Variants in LRRC4C observed in about 807,000 individuals in gnomAD.
LRRC4C encodes the protein leucine rich repeat containing 4C.
A neutral mutation model predicts 33.6 loss-of-function variants in LRRC4C; 5 were observed. The observed-to-expected ratio is 0.15, with a 90% CI of 0.08 to 0.31. The LOEUF is 0.31. Ranked by LOEUF, LRRC4C falls within the 10% of genes least tolerant of loss-of-function variation. LRRC4C has a pLI of 1.00. For missense variants in LRRC4C, 560 were observed against 796.7 expected (o/e 0.70, Z 3.58); for synonymous variants, 329 against 302.0 (o/e 1.09, Z -0.93).
intron 2 of LRRC4C, among the ~76,000 whole-genome samples, chr11:40,698,549 C>T (rs964935285): frequency 2.0e-5 from 3 of 150,628 alleles, no homozygotes; most frequent in African/African-American, 2.4e-5. Context: ...AATGGAAAAA[C>T]GGAGAAGAGA....
At chr11:41,052,485 A>T (rs906235517) in intron 1 of LRRC4C, among the ~76,000 whole-genome samples, 1 of 151,724 alleles carries the variant, frequency 6.6e-6, no homozygotes, top group Non-Finnish European at 1.5e-5. Context: ...GTTCCCGTCC[A>T]TCTGCTTCCT....
At chr11:40,906,817 C>T (rs1485593250) in intron 2 of LRRC4C, among the ~76,000 whole-genome samples, 1 of 151,840 alleles carries the variant, frequency 6.6e-6, no homozygotes, top group Non-Finnish European at 1.5e-5. Flanking sequence ...GTGTTCTATA[C>T]ATATACATTA....
At chr11:40,604,036 T>C (rs1357412298) in intron 3 of LRRC4C, among the ~76,000 whole-genome samples, 1 of 152,168 alleles carries the variant, frequency 6.6e-6, no homozygotes, top group Non-Finnish European at 1.5e-5. Context: ...CACGTATATT[T>C]GTATGTTACA....
chr11:40,912,446 A>C lies in LRRC4C; in HGVS notation c.-407+21189T>G, dbSNP rs1435974568. On this transcript the variant is annotated intron_variant, in intron 2 of 6. Coordinates refer to ENST00000528697, the MANE Select transcript of LRRC4C (RefSeq NM_001258419.2). ...CCAGAATTTCATATCCAGCCAAACT[A>C]AGCTTCATAACTGAAGGAGAAATAA... Among the ~76,000 whole-genome samples, 13 of 152,178 alleles carry C rather than the reference A, an allele frequency of 8.5e-5. No individual in the cohort carries two copies. In the East Asian group the frequency reaches 2.5e-3, roughly 29 times the overall value.
At chr11:41,328,369 T>G (rs1025677296) in intron 1 of LRRC4C, among the ~76,000 whole-genome samples, 3 of 152,064 alleles carry the variant, frequency 2.0e-5, no homozygotes, top group African/African-American at 7.2e-5. Context: ...GAATCTTTGT[T>G]TTGAGTTTTA....
chr11:41,243,477 G>T (rs1044626824), intron 1 of LRRC4C, among the ~76,000 whole-genome samples: 1 of 152,162 alleles, frequency 6.6e-6, no homozygotes, highest in Admixed American at 6.5e-5. Flanking sequence ...TCAATGTTAA[G>T]AAGACAAATT....
At chr11:40,847,899 T>C (rs1373681936) in intron 2 of LRRC4C, among the ~76,000 whole-genome samples, 4 of 151,228 alleles carry the variant, frequency 2.6e-5, no homozygotes, top group African/African-American at 9.7e-5. Context: ...AGGGTGTATG[T>C]GTCCAGGAAT....
chr11:40,447,285 C>A (rs1951680964), intron 3 of LRRC4C: 1 of 152,594 alleles, frequency 6.6e-6, no homozygotes, highest in African/African-American at 2.4e-5. Context: ...GACATCATTT[C>A]TTCTTGCTTT....
intron 1 of LRRC4C, among the ~76,000 whole-genome samples, chr11:41,450,969 G>A (rs1956001207): frequency 6.6e-6 from 1 of 152,010 alleles, no homozygotes; most frequent in Non-Finnish European, 1.5e-5. Flanking sequence ...TTTACGTGCT[G>A]ACTTTATTAT....
intron 5 of LRRC4C, among the ~76,000 whole-genome samples, chr11:40,185,793 G>GGGA (rs1468238710): frequency 6.6e-6 from 1 of 152,054 alleles, no homozygotes; most frequent in East Asian, 1.9e-4. Context: ...GCATGAGGAT[G>GGGA]GGAGGAGGAA....
At chr11:40,216,631 C>A (rs747566404) in intron 5 of LRRC4C, among the ~76,000 whole-genome samples, 8 of 151,992 alleles carry the variant, frequency 5.3e-5, no homozygotes, top group Non-Finnish European at 8.8e-5. Context: ...CACAGAACCG[C>A]AAGAAAAAGA....
intron 6 of LRRC4C, among the ~76,000 whole-genome samples, chr11:40,137,929 A>G (rs1442423937): frequency 2.0e-5 from 3 of 152,202 alleles, no homozygotes; most frequent in Non-Finnish European, 4.4e-5. Flanking sequence ...TGAGGGGAGG[A>G]AAGGAGACCA....
intron 1 of LRRC4C, among the ~76,000 whole-genome samples, chr11:41,304,139 A>C (rs373875504): frequency 6.4e-5 from 2 of 31,148 alleles, no homozygotes; most frequent in African/African-American, 1.4e-4. Flanking sequence ...GGAGCCCCTC[A>C]GCCCGGCCAG....
chr11:41,405,686 G>A (rs559525955), intron 1 of LRRC4C, among the ~76,000 whole-genome samples: 130 of 152,130 alleles, frequency 8.5e-4, no homozygotes, highest in Non-Finnish European at 1.6e-3. Context: ...TCATCATCAA[G>A]GACAGGAACA....
At chr11:40,723,660 A>G (rs1038666363) in intron 2 of LRRC4C, among the ~76,000 whole-genome samples, 1 of 152,164 alleles carries the variant, frequency 6.6e-6, no homozygotes. Context: ...AAAAACATAC[A>G]TAAGTACATT....
intron 1 of LRRC4C, among the ~76,000 whole-genome samples, chr11:41,340,032 G>T (rs1017607403): frequency 2.0e-5 from 3 of 152,116 alleles, no homozygotes; most frequent in Non-Finnish European, 2.9e-5. Context: ...GTTAATAAAA[G>T]AAAAAGTTTA....
intron 5 of LRRC4C, among the ~76,000 whole-genome samples, chr11:40,170,972 C>T (rs985376290): frequency 1.3e-4 from 20 of 152,154 alleles, no homozygotes; most frequent in Admixed American, 6.5e-4. Context: ...TAATATGTAG[C>T]GAGGAAGTAG....
chr11:40,738,119 G>A (rs1947977224), intron 2 of LRRC4C, among the ~76,000 whole-genome samples: 1 of 152,300 alleles, frequency 6.6e-6, no homozygotes, highest in Non-Finnish European at 1.5e-5. Flanking sequence ...AAGCAATGGG[G>A]AAAGGATTCC....
At chr11:40,952,384 A>G (rs1386753396) in intron 1 of LRRC4C, among the ~76,000 whole-genome samples, 1 of 151,828 alleles carries the variant, frequency 6.6e-6, no homozygotes, top group Non-Finnish European at 1.5e-5. Flanking sequence ...CCCCCTACTA[A>G]TTTTATACTG....
Sources: gnomAD v4.1 joint callset for allele counts (sites outside exome capture counted in the v4.1 genomes callset) on GRCh38, gnomAD v4.1.1 for gene constraint, MANE v1.5 for transcripts, NCBI Gene and HGNC (gene_info 2026-07-23, HGNC 2026-07-21) for gene names.